BTN2A1: variants seen among roughly 807,000 people sequenced by gnomAD.
The protein encoded by BTN2A1 is butyrophilin, subfamily 2, member A1.
In BTN2A1, 41 loss-of-function variants were observed where a neutral mutation model predicts 34.5. That is an observed-to-expected ratio of 1.19 (90% CI 0.93 to 1.54). The LOEUF is 1.54. Among genes scored for constraint, BTN2A1 ranks in the 40% most tolerant of loss-of-function variants. The pLI, the probability that BTN2A1 is intolerant of heterozygous loss-of-function variation, is 0.00. For missense variants in BTN2A1, 642 were observed against 662.0 expected (o/e 0.97, Z 0.33); for synonymous variants, 267 against 258.6 (o/e 1.03, Z -0.31).
chr6:26,469,167 T>A lies in BTN2A1; in HGVS notation c.*618T>A. The A allele has an allele frequency of 9.4e-7, 1 of 1,059,932 alleles. No homozygotes were observed. Among genetic ancestry groups the A allele is most frequent in the East Asian group, 7.7e-5 (1 of 13,040 alleles). 65.7% of individuals were successfully genotyped at this position (1,059,932 alleles called of 1,614,324 possible). ...CACAGGCCTGGACCTGGGATGAAGA[T>A]GAATGAAGAACATGGATGCACGTGG... On this transcript the variant is annotated 3_prime_UTR_variant, in exon 8 of 8. Transcript: ENST00000312541.
Position 26,476,339 on chromosome 6 carries a change from C to T in BTN2A1, c.*207C>T, listed in dbSNP as rs1403590812. 18 of 767,300 alleles carry T rather than the reference C, an allele frequency of 2.3e-5. 1 individual carries two copies. The highest frequency in any genetic ancestry group is 2.4e-4 in the Middle Eastern group (1 of 4,154). 47.5% of individuals were successfully genotyped at this position (767,300 alleles called of 1,614,324 possible). Reference sequence around the variant, plus strand: ...CAGCTAGGCTGAAGCTCCTGACAGACTCACACCAGTATCTTGCTGCTCCAG... The same window carrying T: ...CAGCTAGGCTGAAGCTCCTGACAGATTCACACCAGTATCTTGCTGCTCCAG... On this transcript the variant is annotated 3_prime_UTR_variant, in exon 8 of 8. Transcript: ENST00000469185.
intron 7 of BTN2A1, among the ~76,000 whole-genome samples, chr6:26,475,935 A>AG (rs1491109627): frequency 2.0e-5 from 3 of 152,126 alleles, no homozygotes; most frequent in Admixed American, 6.5e-5. Context: ...GCAGCATCTC[A>AG]GGGGAGGGAG....
At chr6:26,473,165 A>C (rs569758595), downstream of BTN2A1, among the ~76,000 whole-genome samples, 1 of 152,220 alleles carries the variant, frequency 6.6e-6, no homozygotes, top group African/African-American at 2.4e-5. Flanking sequence ...GTGGGGTATC[A>C]CTGGGGACCC....
chr6:26,468,048 C>A lies in BTN2A1; in HGVS notation c.1083C>A (p.Ser361Arg). 3 of 1,614,208 alleles carry A rather than the reference C, an allele frequency of 1.9e-6. No individual in the cohort carries two copies. In the African/African-American group the frequency reaches 4.0e-5, roughly 22 times the overall value. The change falls in exon 8 of 8, where the codon AGC (serine) becomes AGA (arginine). Residue 361 changes from serine (S) to arginine (R), a missense_variant. Transcript: ENST00000312541. ...RRCPFRHLGE[S>R]VPDNPERFDS... ...GCCCCTTCAGGCACCTAGGGGAGAG[C>A]GTGCCTGACAACCCAGAGAGATTCG...
At chr6:26,467,609 G>A in intron 7 of BTN2A1, 1 of 1,226,990 alleles carries the variant, frequency 8.2e-7, no homozygotes, top group East Asian at 2.6e-5. Flanking sequence ...ACCACGCCTG[G>A]CCAGAGATCA....
At chr6:26,461,215 A>G (rs1451573584) in intron 3 of BTN2A1, among the ~76,000 whole-genome samples, 2 of 152,208 alleles carry the variant, frequency 1.3e-5, no homozygotes, top group African/African-American at 2.4e-5. Flanking sequence ...CGCGGCAGGA[A>G]TCTGCCATTC....
chr6:26,473,021 G>A (rs1466740624), downstream of BTN2A1, among the ~76,000 whole-genome samples: 5 of 152,220 alleles, frequency 3.3e-5, no homozygotes. Context: ...TATATGGAAA[G>A]TAGTTGAAGG....
Position 26,463,294 on chromosome 6 carries a change from A to G in BTN2A1, c.481A>G (p.Ile161Val). ...AATGAGGGGCCATGAAGACGGGGGCATCCGGCTGGAGTGCATATCTAGAGG... is the reference window on the plus strand; with the variant it reads ...AATGAGGGGCCATGAAGACGGGGGCGTCCGGCTGGAGTGCATATCTAGAGG... ...ISMRGHEDGG[I>V]RLECISRGWY... is the part of the protein sequence containing the mutation. The change falls in exon 4 of 8, where the codon ATC becomes GTC. Residue 161 changes from isoleucine to valine, a missense_variant. Coordinates refer to ENST00000312541, the MANE Select transcript of BTN2A1 (RefSeq NM_007049.5). 1.2e-6 allele frequency: 2 copies of G among 1,613,682 alleles called. No homozygotes were observed. Among genetic ancestry groups the G allele is most frequent in the African/African-American group, 2.7e-5 (2 of 74,998 alleles).
Position 26,469,268 on chromosome 6 carries a change from G to A in BTN2A1, c.*719G>A, listed in dbSNP as rs1388420598. The A allele has an allele frequency of 3.0e-6, 3 of 996,060 alleles. No homozygotes were observed. In the African/African-American group the frequency reaches 5.2e-5, roughly 17 times the overall value. 61.7% of individuals were successfully genotyped at this position (996,060 alleles called of 1,614,324 possible). On this transcript the variant is annotated 3_prime_UTR_variant, in exon 8 of 8. Transcript: ENST00000312541. ...TCCCTGAGTGTGGCTGAAATTTGAG[G>A]TCCTGGCTGAGCCAAGGAGTAATGG...
Position 26,467,950 on chromosome 6 carries a change from G to C in BTN2A1, c.985G>C (p.Asp329His), listed in dbSNP as rs1371077402. 2 of 1,610,924 alleles carry C rather than the reference G, an allele frequency of 1.2e-6. No homozygotes were observed. The highest frequency in any genetic ancestry group is 1.7e-5 in the Admixed American group (1 of 59,864). Residue 329 changes from aspartate to histidine, a missense_variant and splice_region_variant, in exon 8 of 8, where the codon GAT (aspartate) becomes CAT (histidine). By Grantham distance (81) the Asp-to-His change is moderately conservative. Coordinates refer to ENST00000312541, the MANE Select transcript of BTN2A1 (RefSeq NM_007049.5). ...TAAACCTGAGACTTCCTCTGCAGTTGATGTGGTCCTGGATCCAGACACCGC... is the reference window on the plus strand; with the variant it reads ...TAAACCTGAGACTTCCTCTGCAGTTCATGTGGTCCTGGATCCAGACACCGC... ...RWRRTFLHAV[D>H]VVLDPDTAHP...
At chr6:26,462,498 A>G (rs1284884190) in intron 3 of BTN2A1, among the ~76,000 whole-genome samples, 2 of 152,178 alleles carry the variant, frequency 1.3e-5, no homozygotes. Flanking sequence ...GTGAGCTATG[A>G]TTTTGCCACT....
intron 5 of BTN2A1, chr6:26,465,729 G>A (rs1370279834): frequency 1.2e-5 from 9 of 770,140 alleles, no homozygotes; most frequent in African/African-American, 1.9e-5. Context: ...CATTCATCTG[G>A]CTACATAAAG....
In BTN2A1 at chr6:26,465,380, A is replaced by C. The variant is rs771016574; in HGVS notation, c.908A>C (p.Gln303Pro). Residue 303 changes from glutamine to proline, a missense_variant, in exon 5 of 8, where the codon CAA (glutamine) becomes CCA (proline). By Grantham distance (76) the Gln-to-Pro change is moderately conservative (BLOSUM62 -1). Transcript: ENST00000312541. ...ALKELEKERV[Q>P]KEEELQVKEK... ...AAGGAACTGGAGAAAGAACGTGTGC[A>C]AAAAGAGGAAGAACTTCAAGTAAAA... 4 of 1,613,950 alleles carry C rather than the reference A, an allele frequency of 2.5e-6. No homozygotes were observed. The highest frequency in any genetic ancestry group is 2.2e-5 in the East Asian group (1 of 44,898).
In BTN2A1 at chr6:26,463,315, A is replaced by T; in HGVS notation, c.502A>T (p.Arg168Ter). The T allele has an allele frequency of 6.2e-7, 1 of 1,614,038 alleles. No homozygotes were observed. The highest frequency in any genetic ancestry group is 8.5e-7 in the Non-Finnish European group (1 of 1,179,964). ...DGGIRLECIS[R>*]GWYPKPLTVW... is the part of the protein sequence containing the mutation. ...GGGCATCCGGCTGGAGTGCATATCT[A>T]GAGGGTGGTACCCAAAGCCCCTCAC... is the stretch of plus-strand genomic sequence containing the variant. The change falls in exon 4 of 8, where the codon AGA becomes TGA. Residue 168 changes from arginine to a stop codon, truncating the protein, a stop_gained. Transcript: ENST00000312541. LOFTEE classifies it high-confidence loss of function.
intron 4 of BTN2A1, among the ~76,000 whole-genome samples, chr6:26,464,233 G>C (rs1763250015): frequency 6.6e-6 from 1 of 152,158 alleles, no homozygotes; most frequent in Non-Finnish European, 1.5e-5. Flanking sequence ...GGACAGAGCT[G>C]TGGAAATTCC....
chr6:26,459,767 C>G lies in BTN2A1; in HGVS notation c.369C>G (p.Tyr123Ter). 1 of 1,614,158 alleles carries G rather than the reference C, an allele frequency of 6.2e-7. No individual in the cohort carries two copies. Among genetic ancestry groups the G allele is most frequent in the Non-Finnish European group, 8.5e-7 (1 of 1,180,000 alleles). ...HNITAQENGT[Y>*]RCYFQEGRSY... ...TCACAGCCCAGGAAAACGGCACCTA[C>G]CGCTGTTACTTCCAAGAAGGCAGGT... The change falls in exon 3 of 8, where the codon TAC becomes TAG. Residue 123 changes from tyrosine (Y) to a stop codon, truncating the protein, a stop_gained. Coordinates refer to ENST00000312541, the MANE Select transcript of BTN2A1 (RefSeq NM_007049.5). LOFTEE classifies it high-confidence loss of function.
downstream of BTN2A1, among the ~76,000 whole-genome samples, chr6:26,471,449 C>T (rs1179422312): frequency 6.6e-6 from 1 of 152,166 alleles, no homozygotes; most frequent in East Asian, 1.9e-4. Flanking sequence ...AAAGATGGGC[C>T]GGGCACGGTG....
chr6:26,466,053 C>G lies in BTN2A1; in HGVS notation c.956-9C>G, dbSNP rs761549004. The G allele has an allele frequency of 2.4e-5, 39 of 1,613,920 alleles. No individual in the cohort carries two copies. Among genetic ancestry groups the G allele is most frequent in the Non-Finnish European group, 3.2e-5 (38 of 1,179,928 alleles). ...TCTCATGACATTCGTCTCTGTCTGT[C>G]CCTTGCAGGATGGAGAAGAACATTC... On this transcript the variant is annotated splice_polypyrimidine_tract_variant and intron_variant, in intron 6 of 7. Coordinates refer to ENST00000312541, the MANE Select transcript of BTN2A1 (RefSeq NM_007049.5).
rs1262387531 is a variant in BTN2A1 at position 26,463,462 on chromosome 6, A to G, written c.649A>G (p.Met217Val). 28 of 1,614,152 alleles carry G rather than the reference A, an allele frequency of 1.7e-5. 1 individual carries two copies. The highest frequency in any genetic ancestry group is 6.7e-5 in the Admixed American group (4 of 60,026). Residue 217 changes from methionine to valine, a missense_variant, in exon 4 of 8, where the codon ATG becomes GTG. By Grantham distance (21) the Met-to-Val change is conservative. Transcript: ENST00000312541. ...CATCAGAGACAAGTCTGTGAGGAAC[A>G]TGTCCTGCTCTATCAACAACACCCT... ...VIIRDKSVRN[M>V]SCSINNTLLG...
Sources: allele counts gnomAD v4.1 joint callset (sites outside exome capture counted in the v4.1 genomes callset), GRCh38; gene constraint gnomAD v4.1.1; transcripts MANE v1.5; gene names NCBI Gene and HGNC (gene_info 2026-07-23, HGNC 2026-07-21).